RANBP9: variants seen among roughly 807,000 people sequenced by gnomAD.
RANBP9 encodes the protein RAN binding protein 9, also known as ran-binding protein 9.
RANBP9 carries 15 observed loss-of-function variants against 84.3 expected under a neutral mutation model. That is an observed-to-expected ratio of 0.18 (90% CI 0.12 to 0.27). RANBP9 has a LOEUF of 0.27. Ranked by LOEUF, RANBP9 falls within the 10% of genes least tolerant of loss-of-function variation. The pLI is 1.00. For missense variants in RANBP9, 809 were observed against 912.8 expected (o/e 0.89, Z 1.46); for synonymous variants, 392 against 349.6 (o/e 1.12, Z -1.35).
At chr6:13,626,600 T>A (rs189940841) in intron 12 of RANBP9, among the ~76,000 whole-genome samples, 12 of 152,318 alleles carry the variant, frequency 7.9e-5, no homozygotes, top group African/African-American at 2.9e-4. Context: ...CAAAAGTCAA[T>A]ACCCTAATCC....
intron 2 of RANBP9, among the ~76,000 whole-genome samples, chr6:13,662,916 A>T (rs1291971114): frequency 6.6e-6 from 1 of 152,206 alleles, no homozygotes; most frequent in African/African-American, 2.4e-5. Flanking sequence ...TCTGAAGGAC[A>T]GAGAAAAAAA....
intron 2 of RANBP9, among the ~76,000 whole-genome samples, chr6:13,664,412 A>C (rs1201104601): frequency 6.6e-6 from 1 of 152,048 alleles, no homozygotes; most frequent in Non-Finnish European, 1.5e-5. Context: ...ATTCTCTTCA[A>C]ACTGATCACA....
intron 1 of RANBP9, among the ~76,000 whole-genome samples, chr6:13,709,078 C>T (rs1758207024): frequency 6.6e-6 from 1 of 152,192 alleles, no homozygotes; most frequent in African/African-American, 2.4e-5. Context: ...ATAAAAACAA[C>T]TGAGACAGCA....
intron 1 of RANBP9, among the ~76,000 whole-genome samples, chr6:13,702,414 A>G (rs1757997474): frequency 6.6e-6 from 1 of 152,180 alleles, no homozygotes; most frequent in African/African-American, 2.4e-5. Context: ...AAAAATAGTA[A>G]TAATAACCAG....
intron 2 of RANBP9, among the ~76,000 whole-genome samples, chr6:13,681,721 G>C (rs1766045347): frequency 6.6e-6 from 1 of 152,148 alleles, no homozygotes; most frequent in Admixed American, 6.5e-5. Context: ...AGCTATTTGT[G>C]ATACCTCTTC....
intron 2 of RANBP9, among the ~76,000 whole-genome samples, chr6:13,667,063 G>C (rs1484975527): frequency 6.6e-6 from 1 of 152,110 alleles, no homozygotes; most frequent in Non-Finnish European, 1.5e-5. Context: ...ATGTGAACAA[G>C]AAATTTATTA....
chr6:13,689,273 CTT>C (rs774542899), intron 2 of RANBP9, among the ~76,000 whole-genome samples: 22 of 142,748 alleles, frequency 1.5e-4, no homozygotes, highest in Admixed American at 2.1e-4. Flanking sequence ...ACTTTTTTTC[CTT>C]TTTTTTTTTT....
At position 13,711,208 on chromosome 6, in the gene RANBP9, T is replaced by C; in HGVS notation, c.298A>G (p.Ser100Gly). ...PPPASAAAPASGPPAPPGLAA... is the reference protein window; with the variant it reads ...PPPASAAAPAGGPPAPPGLAA... ...AGGCCCGGGGGAGCGGGCGGCCCGC[T>C]GGCGGGGGCAGCCGCTGAGGCAGGG... The change falls in exon 1 of 14, where the codon AGC (serine) becomes GGC (glycine). Residue 100 changes from serine to glycine, a missense_variant. Ser to Gly is a moderately conservative substitution (Grantham distance 56). Transcript: ENST00000011619. The C allele has an allele frequency of 1.2e-6, 1 of 867,810 alleles. No individual in the cohort carries two copies. Among genetic ancestry groups the C allele is most frequent in the African/African-American group, 2.7e-5 (1 of 37,112 alleles). 53.8% of individuals were successfully genotyped at this position (867,810 alleles called of 1,614,324 possible).
intron 2 of RANBP9, among the ~76,000 whole-genome samples, chr6:13,663,083 T>A (rs930356466): frequency 6.6e-6 from 1 of 151,872 alleles, no homozygotes; most frequent in Non-Finnish European, 1.5e-5. Flanking sequence ...CAGCAAACAT[T>A]AATTAAATAA....
At position 13,700,747 on chromosome 6, in the gene RANBP9, C is replaced by T. The variant is rs138925393; in HGVS notation, c.572-3851G>A. 2.7e-3 allele frequency among the ~76,000 whole-genome samples: 415 copies of T among 152,248 alleles called. 3 individuals are homozygous for T. Among genetic ancestry groups the T allele is most frequent in the African/African-American group, 9.5e-3 (396 of 41,544 alleles). ...CTTGAAGAAGCAAAAGCTCAAGACC[C>T]AGAGTCTAAAGCTGCAACAGACCAA... is the stretch of plus-strand genomic sequence containing the variant. On this transcript the variant is annotated intron_variant, in intron 1 of 13. Transcript: ENST00000011619.
chr6:13,641,288 T>C lies in RANBP9; in HGVS notation c.1245A>G (p.Leu415=). 1 of 1,599,120 alleles carries C rather than the reference T, an allele frequency of 6.3e-7. No individual in the cohort carries two copies. Among genetic ancestry groups the C allele is most frequent in the Non-Finnish European group, 8.5e-7 (1 of 1,172,826 alleles). Residue 415 remains leucine, a synonymous_variant, in exon 8 of 14, where the codon TTA becomes TTG. Transcript: ENST00000011619. ...CAATGGCTTCTCCCATTCTTCCTGC[T>C]AATACCAATTTCTGAATTCCTATTC... ...KNRQRIQKLV[L]AGRMGEAIET... is the part of the protein sequence containing the mutation.
intron 1 of RANBP9, among the ~76,000 whole-genome samples, 165 bp from the exon 2 acceptor site, chr6:13,697,061 T>G (rs1333528375): frequency 6.6e-6 from 1 of 152,238 alleles, no homozygotes; most frequent in Non-Finnish European, 1.5e-5. Context: ...GAACCCAATA[T>G]GCAAAATAGC....
intron 5 of RANBP9, among the ~76,000 whole-genome samples, chr6:13,647,446 CAT>C (rs1260406628): frequency 1.3e-5 from 2 of 151,914 alleles, no homozygotes; most frequent in Non-Finnish European, 2.9e-5. Flanking sequence ...AATAAGATAA[CAT>C]AAAGCAGGCA....
chr6:13,696,919 AAAG>A (rs769194874), intron 1 of RANBP9, 23 bp from the exon 2 acceptor site: 15 of 1,566,710 alleles, frequency 9.6e-6, no homozygotes, highest in Non-Finnish European at 1.0e-5. Context: ...AGGAAGGAAA[AAAG>A]AAGTCACATG....
chr6:13,649,919 C>T (rs2127768028), intron 5 of RANBP9, among the ~76,000 whole-genome samples: 1 of 152,246 alleles, frequency 6.6e-6, no homozygotes, highest in Non-Finnish European at 1.5e-5. Context: ...AATTCTCAGA[C>T]CTTATGTAAT....
chr6:13,685,788 C>T (rs891933623), intron 2 of RANBP9, among the ~76,000 whole-genome samples: 10 of 151,706 alleles, frequency 6.6e-5, no homozygotes, highest in South Asian at 2.1e-4. Flanking sequence ...AGTAGCTGGG[C>T]GTGGTGGTGT....
At chr6:13,684,268 C>T (rs1452328412) in intron 2 of RANBP9, among the ~76,000 whole-genome samples, 1 of 152,088 alleles carries the variant, frequency 6.6e-6, no homozygotes, top group African/African-American at 2.4e-5. Context: ...ATTGTTATGC[C>T]CTACACTTAG....
intron 9 of RANBP9, 76 bp downstream of exon 9, chr6:13,639,487 C>G: frequency 6.9e-7 from 1 of 1,452,238 alleles, no homozygotes; most frequent in East Asian, 2.4e-5. Context: ...TGGAAATATA[C>G]AGATTTTCAA....
intron 2 of RANBP9, among the ~76,000 whole-genome samples, chr6:13,679,186 C>G (rs1445313748): frequency 6.6e-6 from 1 of 152,186 alleles, no homozygotes; most frequent in Admixed American, 6.5e-5. Flanking sequence ...GAAATTCTTT[C>G]TTGCCTTCGG....
Sources: gnomAD v4.1 joint callset for allele counts (sites outside exome capture counted in the v4.1 genomes callset) on GRCh38, gnomAD v4.1.1 for gene constraint, MANE v1.5 for transcripts, NCBI Gene and HGNC (gene_info 2026-07-23, HGNC 2026-07-21) for gene names.